Variants in MPDZ observed in about 807,000 individuals in gnomAD.
MPDZ encodes multiple PDZ domain crumbs cell polarity complex component.
Under a neutral mutation model 239.1 loss-of-function variants are expected in MPDZ, and 234 were observed. That is an observed-to-expected ratio of 0.98 (90% CI 0.88 to 1.09). The LOEUF (loss-of-function observed/expected upper bound fraction) is 1.09. Among genes scored for constraint, MPDZ ranks in the 50% least tolerant of loss-of-function variants. The probability of loss-of-function intolerance (pLI) is 0.00; values close to 1 mark genes in which losing one functional copy is unlikely to be tolerated. For missense variants in MPDZ, 3,175 were observed against 2,510.0 expected (o/e 1.26, Z -5.66); for synonymous variants, 1,048 against 881.3 (o/e 1.19, Z -3.35).
intron 1 of MPDZ, among the ~76,000 whole-genome samples, chr9:13,252,094 T>C (rs909405374): frequency 2.0e-5 from 3 of 152,186 alleles, no homozygotes; most frequent in Admixed American, 6.5e-5. Context: ...GTATATTCCA[T>C]ATAGATAGGC....
chr9:13,193,062 C>CT, intron 14 of MPDZ, 105 bp downstream of exon 14: 2 of 1,144,656 alleles, frequency 1.7e-6, no homozygotes, highest in Non-Finnish European at 2.3e-6. Flanking sequence ...CTCAAGTCCC[C>CT]TTTGGAGGGG....
Position 13,268,671 on chromosome 9 carries a change from G to C in MPDZ, c.-58+10729C>G, listed in dbSNP as rs114705170. On this transcript the variant is annotated intron_variant, in intron 1 of 46. Coordinates refer to ENST00000319217, the MANE Select transcript of MPDZ (RefSeq NM_001378778.1). Reference sequence around the variant, plus strand: ...CTCGAAGTATGAGCCGATAAGGAGAGTGTGGAGGAGAGCAGTAAAGGGAAA... The same window carrying C: ...CTCGAAGTATGAGCCGATAAGGAGACTGTGGAGGAGAGCAGTAAAGGGAAA... Among the ~76,000 whole-genome samples the C allele has an allele frequency of 8.8e-3, 1,341 of 152,330 alleles. 23 individuals carry two copies. The highest frequency in any genetic ancestry group is 0.031 in the African/African-American group (1,284 of 41,572).
chr9:13,188,498 A>G (rs1954445583), intron 17 of MPDZ, among the ~76,000 whole-genome samples: 1 of 152,136 alleles, frequency 6.6e-6, no homozygotes, highest in African/African-American at 2.4e-5. Flanking sequence ...AGCCTGAGCA[A>G]CAGAGCAAGG....
chr9:13,129,332 G>T (rs1408626777), intron 32 of MPDZ, among the ~76,000 whole-genome samples: 1 of 151,904 alleles, frequency 6.6e-6, no homozygotes, highest in Non-Finnish European at 1.5e-5. Flanking sequence ...GCATGGTGGT[G>T]CACACCTGTA....
chr9:13,225,454 A>G (rs759906881), intron 3 of MPDZ, among the ~76,000 whole-genome samples: 5 of 151,948 alleles, frequency 3.3e-5, no homozygotes, highest in Non-Finnish European at 7.4e-5. Flanking sequence ...CTAGTAGTGT[A>G]CAGTAATGTC....
Position 13,224,489 on chromosome 9 carries a change from A to C in MPDZ, c.278T>G (p.Phe93Cys), listed in dbSNP as rs139373441. Residue 93 changes from phenylalanine (F) to cysteine (C), a missense_variant, in exon 4 of 47, where the codon TTT becomes TGT. By Grantham distance (205) the Phe-to-Cys change is radical. Coordinates refer to ENST00000319217, the MANE Select transcript of MPDZ (RefSeq NM_001378778.1). ...AVIPTLQNESFLLSPNNGNLE... is the reference protein window; with the variant it reads ...AVIPTLQNESCLLSPNNGNLE... ...ATTCCCATTGTTTGGGGATAATAAA[A>C]ACGATTCATTTTGCAGAGTAGGAAT... 1,418 of 1,612,810 alleles carry C rather than the reference A, an allele frequency of 8.8e-4. 11 individuals carry two copies. The African/African-American group carries it at 0.016, about 19-fold the overall frequency.
chr9:13,127,210 C>T (rs1457501465), intron 32 of MPDZ, among the ~76,000 whole-genome samples: 2 of 152,196 alleles, frequency 1.3e-5, no homozygotes, highest in African/African-American at 4.8e-5. Flanking sequence ...TTCTGCCCCT[C>T]TTCTTCCTTT....
intron 1 of MPDZ, among the ~76,000 whole-genome samples, chr9:13,262,066 TA>T (rs576060060): frequency 3.8e-4 from 55 of 145,076 alleles, no homozygotes; most frequent in African/African-American, 1.2e-3. Context: ...AATTAAAAAT[TA>T]AAAAAAAAAG....
intron 8 of MPDZ, 110 bp from the exon 9 acceptor site, chr9:13,217,404 T>A: frequency 1.5e-6 from 1 of 672,216 alleles, no homozygotes; most frequent in South Asian, 2.0e-5. Context: ...ACAGGCCTAC[T>A]TTAATTCTCT....
chr9:13,205,061 G>C lies in MPDZ; in HGVS notation c.1521C>G (p.Thr507=), dbSNP rs1956838217. ...DEDFLSSTRN[T]NILPTEEEGY... ...CTTCTTCTTCAGTTGGTAATATGTTGGTGTTTCTCGTCGAAGATAAAAAAT... is the reference window on the plus strand; with the variant it reads ...CTTCTTCTTCAGTTGGTAATATGTTCGTGTTTCTCGTCGAAGATAAAAAAT... Residue 507 remains threonine (T), a synonymous_variant, in exon 12 of 47, where the codon ACC becomes ACG. Transcript: ENST00000319217. 2 of 1,460,400 alleles carry C rather than the reference G, an allele frequency of 1.4e-6. No homozygotes were observed. Among genetic ancestry groups the C allele is most frequent in the Non-Finnish European group, 1.8e-6 (2 of 1,108,766 alleles). The allele number at this position is 1,460,400 out of a possible 1,614,324, so 90.5% of individuals were successfully genotyped here. A position where few individuals can be genotyped will look rare whatever the true frequency, so the allele number is the denominator to read the frequency against.
At chr9:13,132,195 G>A (rs528902262) in intron 32 of MPDZ, among the ~76,000 whole-genome samples, 8 of 152,282 alleles carry the variant, frequency 5.3e-5, no homozygotes, top group East Asian at 1.9e-4. Flanking sequence ...AAAAGGAGGC[G>A]AAAGGCAGAA....
chr9:13,205,532 A>C (rs1956889578), intron 11 of MPDZ, among the ~76,000 whole-genome samples: 1 of 152,200 alleles, frequency 6.6e-6, no homozygotes, highest in South Asian at 2.1e-4. Flanking sequence ...GGCATTTAGA[A>C]TTTTTATGAA....
intron 2 of MPDZ, among the ~76,000 whole-genome samples, chr9:13,249,506 G>A (rs905465615): frequency 2.0e-5 from 3 of 151,970 alleles, no homozygotes; most frequent in Non-Finnish European, 2.9e-5. Context: ...GTGATCCCAC[G>A]ACCACAAAAA....
chr9:13,188,561 G>A (rs1280279720), intron 17 of MPDZ, among the ~76,000 whole-genome samples: 1 of 152,014 alleles, frequency 6.6e-6, no homozygotes, highest in Non-Finnish European at 1.5e-5. Context: ...CCAAAGACCA[G>A]TAAGTTAGAA....
chr9:13,251,214 T>C (rs1054836945), intron 1 of MPDZ, among the ~76,000 whole-genome samples: 1 of 144,772 alleles, frequency 6.9e-6, no homozygotes, highest in South Asian at 2.2e-4. Flanking sequence ...CACTGGAAGA[T>C]AATACTTTAA....
At chr9:13,252,710 G>C (rs1314278741) in intron 1 of MPDZ, among the ~76,000 whole-genome samples, 1 of 152,046 alleles carries the variant, frequency 6.6e-6, no homozygotes, top group East Asian at 1.9e-4. Context: ...TTAGCTGGGC[G>C]TGGTGCATGT....
rs368811859 is a variant in MPDZ at position 13,206,107 on chromosome 9, T to TAAA, written c.1291-11_1291-9dup. On this transcript the variant is annotated splice_polypyrimidine_tract_variant and intron_variant, in intron 10 of 46. Transcript: ENST00000319217. ...AAGGTTTGTGCCATCTACCTGTGAT[T>TAAA]AAAAAAAAAAAAAAGCATGTTACAT... 3.3e-5 allele frequency: 47 copies of TAAA among 1,415,258 alleles called. No individual in the cohort carries two copies. The highest frequency in any genetic ancestry group is 6.7e-5 in the South Asian group (5 of 74,830). The allele number at this position is 1,415,258 out of a possible 1,614,324, so 87.7% of individuals were successfully genotyped here.
chr9:13,266,808 T>A (rs1027025866), intron 1 of MPDZ, among the ~76,000 whole-genome samples: 3 of 152,178 alleles, frequency 2.0e-5, no homozygotes, highest in Admixed American at 6.5e-5. Flanking sequence ...AGTAATCTCA[T>A]TCAGCTACTC....
intron 18 of MPDZ, among the ~76,000 whole-genome samples, chr9:13,185,699 T>C (rs111574630): frequency 0.011 from 1,622 of 152,268 alleles, 28 homozygotes; most frequent in African/African-American, 0.037. Context: ...GCAAATACTT[T>C]TATTCCAATG....
Sources: allele counts gnomAD v4.1 joint callset (sites outside exome capture counted in the v4.1 genomes callset), GRCh38; gene constraint gnomAD v4.1.1; transcripts MANE v1.5; gene names NCBI Gene and HGNC (gene_info 2026-07-23, HGNC 2026-07-21).